GLIS1: variants seen among roughly 807,000 people sequenced by gnomAD.
The protein encoded by GLIS1 is GLIS family zinc finger 1.
In GLIS1, 24 loss-of-function variants were observed where a neutral mutation model predicts 63.8. The observed-to-expected ratio is 0.38, with a 90% CI of 0.27 to 0.53. The LOEUF (loss-of-function observed/expected upper bound fraction) is 0.53, where lower values mean the gene tolerates loss of function less well. Ranked by LOEUF, GLIS1 falls within the 20% of genes least tolerant of loss-of-function variation. The pLI, the probability that GLIS1 is intolerant of heterozygous loss-of-function variation, is 0.85. For missense variants in GLIS1, 1,036 were observed against 1,074.1 expected (o/e 0.96, Z 0.50); for synonymous variants, 450 against 482.5 (o/e 0.93, Z 0.88).
chr1:53,653,879 G>T (rs771715062), intron 2 of GLIS1, among the ~76,000 whole-genome samples: 2 of 152,210 alleles, frequency 1.3e-5, no homozygotes, highest in Admixed American at 1.3e-4. Flanking sequence ...CCAGCAGTGG[G>T]TGAGGAGGAA....
chr1:53,546,860 G>A (rs1351650720), intron 4 of GLIS1, among the ~76,000 whole-genome samples: 1 of 152,154 alleles, frequency 6.6e-6, no homozygotes, highest in Non-Finnish European at 1.5e-5. Flanking sequence ...GGCTGCCCTG[G>A]GGTCCCCCAC....
chr1:53,659,160 G>C (rs10788961), intron 2 of GLIS1, among the ~76,000 whole-genome samples: 137,802 of 152,214 alleles, frequency 0.91, 62,957 homozygotes, highest in Non-Finnish European at 0.96. Context: ...CTGAAGAATG[G>C]CTCTGCAAGC....
intron 3 of GLIS1, among the ~76,000 whole-genome samples, chr1:53,595,634 C>G (rs977401666): frequency 4.6e-5 from 7 of 152,170 alleles, no homozygotes; most frequent in African/African-American, 1.7e-4. Flanking sequence ...AGTGAGTTCT[C>G]CAGGAAGAAG....
At chr1:53,738,672 T>G (rs1646937267) in intron 1 of GLIS1, among the ~76,000 whole-genome samples, 1 of 151,852 alleles carries the variant, frequency 6.6e-6, no homozygotes, top group South Asian at 2.1e-4. Flanking sequence ...AGTCCCAAGC[T>G]GGGCGCTGAA....
chr1:53,518,683 A>G (rs1338457736), intron 7 of GLIS1, among the ~76,000 whole-genome samples: 8 of 152,200 alleles, frequency 5.3e-5, no homozygotes, highest in Admixed American at 1.3e-4. Context: ...GGCTCCTCCA[A>G]TCTGTGATGA....
At chr1:53,563,736 C>T (rs1644911826) in intron 4 of GLIS1, among the ~76,000 whole-genome samples, 1 of 152,132 alleles carries the variant, frequency 6.6e-6, no homozygotes, top group African/African-American at 2.4e-5. Flanking sequence ...TAAAAGAAAT[C>T]CACATTTACT....
chr1:53,509,717 C>G, intron 9 of GLIS1, 132 bp downstream of exon 9: 1 of 526,358 alleles, frequency 1.9e-6, no homozygotes, highest in South Asian at 1.0e-4. Flanking sequence ...TAGCTTCTCT[C>G]AGCCCCCAGT....
At chr1:53,621,859 GGA>G (rs1645546595) in intron 2 of GLIS1, among the ~76,000 whole-genome samples, 1 of 151,818 alleles carries the variant, frequency 6.6e-6, no homozygotes, top group Non-Finnish European at 1.5e-5. Flanking sequence ...TCGCCAGGTT[GGA>G]GTGCAGTGGT....
intron 2 of GLIS1, among the ~76,000 whole-genome samples, chr1:53,625,632 C>A (rs145068806): frequency 1.7e-3 from 265 of 152,344 alleles, no homozygotes; most frequent in African/African-American, 6.3e-3. Context: ...CTGGGATATA[C>A]AGCCACCATG....
intron 2 of GLIS1, among the ~76,000 whole-genome samples, chr1:53,707,711 G>T (rs1646594997): frequency 6.6e-6 from 1 of 151,560 alleles, no homozygotes; most frequent in South Asian, 2.1e-4. Flanking sequence ...AAATGAAAGT[G>T]AGCATTTACT....
At chr1:53,664,746 G>C (rs1477272629) in intron 2 of GLIS1, among the ~76,000 whole-genome samples, 1 of 152,218 alleles carries the variant, frequency 6.6e-6, no homozygotes, top group African/African-American at 2.4e-5. Context: ...TGGGGCCTGG[G>C]GGTGGGGTGC....
chr1:53,645,970 AG>A (rs1434277538), intron 2 of GLIS1, among the ~76,000 whole-genome samples: 2 of 152,192 alleles, frequency 1.3e-5, no homozygotes, highest in African/African-American at 2.4e-5. Flanking sequence ...GCAGTGAACA[AG>A]GGGGGCAGGG....
At chr1:53,545,256 A>G (rs539126274) in intron 4 of GLIS1, among the ~76,000 whole-genome samples, 72 of 152,244 alleles carry the variant, frequency 4.7e-4, no homozygotes, top group African/African-American at 1.6e-3. Context: ...ACTACCTGCA[A>G]CCCCATGCAG....
At position 53,520,394 on chromosome 1, in the gene GLIS1, G is replaced by A. The variant is rs74988405; in HGVS notation, c.1726+240C>T. On this transcript the variant is annotated intron_variant, in intron 7 of 10. Transcript: ENST00000628545. ...GAGACGGGTGAGGGCTTCATGCCCT[G>A]AGCAATGGGGAGCCACAGAATAATG... is the stretch of plus-strand genomic sequence containing the variant. 9.9e-3 allele frequency among the ~76,000 whole-genome samples: 1,512 copies of A among 152,348 alleles called. 29 individuals carry two copies. Among genetic ancestry groups the A allele is most frequent in the African/African-American group, 0.035 (1,463 of 41,570 alleles).
At chr1:53,569,131 C>T (rs536506480) in intron 4 of GLIS1, among the ~76,000 whole-genome samples, 7 of 152,278 alleles carry the variant, frequency 4.6e-5, no homozygotes, top group East Asian at 1.9e-4. Context: ...GTGAAAACAT[C>T]GGTGGTTGCC....
chr1:53,694,025 C>T (rs1032815427), intron 2 of GLIS1, among the ~76,000 whole-genome samples: 6 of 152,200 alleles, frequency 3.9e-5, no homozygotes, highest in African/African-American at 7.2e-5. Context: ...GAAACAGTCC[C>T]GGCCCCTGCA....
At position 53,646,419 on chromosome 1, in the gene GLIS1, A is replaced by G. The variant is rs1351168819; in HGVS notation, c.260-46141T>C. The stretch of plus-strand genomic sequence containing the variant: ...TATATACTTATCTACAATAAACAGT[A>G]AAGGGAATTTTTTAGATATCATTTA... On this transcript the variant is annotated intron_variant, in intron 2 of 10. Transcript: ENST00000628545. The surrounding 1 kb of genome is among the most constrained non-coding windows in gnomAD (Gnocchi z 4.2). Among the ~76,000 whole-genome samples, 3 of 152,252 alleles carry G rather than the reference A, an allele frequency of 2.0e-5. No individual in the cohort carries two copies. Among genetic ancestry groups the G allele is most frequent in the African/African-American group, 7.2e-5 (3 of 41,470 alleles).
intron 4 of GLIS1, among the ~76,000 whole-genome samples, chr1:53,532,448 C>T (rs1459950168): frequency 6.6e-6 from 1 of 152,208 alleles, no homozygotes; most frequent in African/African-American, 2.4e-5. Flanking sequence ...TCTGCTGGGG[C>T]GGGTCCAAGG....
In GLIS1 at chr1:53,567,394, G is replaced by A. The variant is rs897107440; in HGVS notation, c.1320+26714C>T. Among the ~76,000 whole-genome samples the A allele has an allele frequency of 3.9e-5, 6 of 152,282 alleles. No individual in the cohort carries two copies. In the East Asian group the frequency reaches 9.6e-4, roughly 24 times the overall value. On this transcript the variant is annotated intron_variant, in intron 4 of 10. Coordinates refer to ENST00000628545, the MANE Select transcript of GLIS1 (RefSeq NM_001367484.1). Reference sequence around the variant, plus strand: ...ATTTACAAAGAGATGGTCTAAAATTGGAACTTATGTTGAAAAGGGAAGCAG... The same window carrying A: ...ATTTACAAAGAGATGGTCTAAAATTAGAACTTATGTTGAAAAGGGAAGCAG...
Sources: gnomAD v4.1 joint callset for allele counts (sites outside exome capture counted in the v4.1 genomes callset) on GRCh38, gnomAD v4.1.1 for gene constraint, Gnocchi (gnomAD v3.1) non-coding constraint, MANE v1.5 for transcripts, NCBI Gene and HGNC (gene_info 2026-07-23, HGNC 2026-07-21) for gene names.